The following CRMP1 variants were observed in gnomAD, a reference collection of about 807,000 sequenced individuals.
The protein encoded by CRMP1 is dihydropyrimidinase-related protein 1.
CRMP1 carries 19 observed loss-of-function variants against 68.3 expected under a neutral mutation model. The observed-to-expected ratio is 0.28, with a 90% CI of 0.19 to 0.41. The LOEUF (loss-of-function observed/expected upper bound fraction) is 0.41. Among genes scored for constraint, CRMP1 ranks in the 10% least tolerant of loss-of-function variants. The pLI, the probability that CRMP1 is intolerant of heterozygous loss-of-function variation, is 1.00. For synonymous variants in CRMP1, 439 were observed against 399.6 expected (o/e 1.10, Z -1.18); for missense variants, 791 against 967.4 (o/e 0.82, Z 2.42).
rs1719479577 is a variant in CRMP1, at chr4:5,825,795, G to GCA, written c.1804-138_1804-137dup. The GCA allele has an allele frequency of 5.1e-6, 4 of 789,824 alleles. No individual in the cohort carries two copies. The African/African-American group carries it at 5.5e-5, about 11-fold the overall frequency. 48.9% of individuals were successfully genotyped at this position (789,824 alleles called of 1,614,324 possible). ...GTGCATGCACACACACACACAACAC[G>GCA]CACACACGACAGGTGCACTTCACAC... On this transcript the variant is annotated intron_variant, in intron 12 of 13. Transcript: ENST00000324989. This position sits in a 1 kb window ranked among gnomAD's most constrained non-coding sequence, Gnocchi z 4.4.
At chr4:5,863,775 A>G (rs1393599639) in intron 2 of CRMP1, among the ~76,000 whole-genome samples, 1 of 152,222 alleles carries the variant, frequency 6.6e-6, no homozygotes, top group Non-Finnish European at 1.5e-5. Context: ...TGGCCACAGA[A>G]TTAAAGGATT....
chr4:5,866,552 G>A lies in CRMP1; in HGVS notation c.470+116C>T, dbSNP rs1258572031. The A allele has an allele frequency of 4.1e-6, 3 of 730,454 alleles. No individual in the cohort carries two copies. Among genetic ancestry groups the A allele is most frequent in the African/African-American group, 3.6e-5 (2 of 55,590 alleles). The allele number at this position is 730,454 out of a possible 1,614,324, so 45.2% of individuals were successfully genotyped here. On this transcript the variant is annotated intron_variant, in intron 2 of 13. Transcript: ENST00000324989. This position sits in a 1 kb window ranked among gnomAD's most constrained non-coding sequence, Gnocchi z 5.9. ...CAACCTCTGTGAGGTCTCTACCCCTGAAACACAGGTACACAGCCCCGTCAT... is the reference window on the plus strand; with the variant it reads ...CAACCTCTGTGAGGTCTCTACCCCTAAAACACAGGTACACAGCCCCGTCAT...
chr4:5,889,412 C>T lies in CRMP1; in HGVS notation c.381+3177G>A, dbSNP rs1022991020. Among the ~76,000 whole-genome samples, 7 of 152,156 alleles carry T rather than the reference C, an allele frequency of 4.6e-5. No homozygotes were observed. Among genetic ancestry groups the T allele is most frequent in the Non-Finnish European group, 5.9e-5 (4 of 68,018 alleles). On this transcript the variant is annotated intron_variant, in intron 1 of 13. Transcript: ENST00000324989. The surrounding 1 kb of genome is among the most constrained non-coding windows in gnomAD (Gnocchi z 4.5). The stretch of plus-strand genomic sequence containing the variant: ...GGGTCAGGAGGAGGACTAGGGTGCT[C>T]CTGCCTCCCAGCACTGTGGACACCA...
intron 2 of CRMP1, among the ~76,000 whole-genome samples, chr4:5,862,668 G>A (rs944476780): frequency 3.3e-5 from 5 of 152,214 alleles, no homozygotes; most frequent in African/African-American, 1.2e-4. Flanking sequence ...CAGAAGGGCC[G>A]CTGGCTGTAG....
chr4:5,851,375 CAA>C, intron 5 of CRMP1, 31 bp downstream of exon 5: 1 of 1,605,764 alleles, frequency 6.2e-7, no homozygotes, highest in African/African-American at 1.3e-5. Context: ...CCTGCCCAGA[CAA>C]GAGAGGAGAG....
chr4:5,828,267 A>G, intron 12 of CRMP1: 1 of 985,314 alleles, frequency 1.0e-6, no homozygotes, highest in Non-Finnish European at 1.2e-6. Context: ...ACACCCCTCT[A>G]CAGTTTGCAA....
Position 5,822,116 on chromosome 4 carries a change from C to T in CRMP1, c.1970-265G>A, listed in dbSNP as rs535707616. Among the ~76,000 whole-genome samples the T allele has an allele frequency of 3.3e-4, 50 of 152,376 alleles. No homozygotes were observed. The South Asian group carries it at 3.3e-3, about 10-fold the overall frequency. On this transcript the variant is annotated intron_variant, in intron 13 of 13. Transcript: ENST00000324989. ...AAAATCCCCAGTAAAATCCGACATTCCTGAGACAGGTGATCAAACACTTAC... is the reference window on the plus strand; with the variant it reads ...AAAATCCCCAGTAAAATCCGACATTTCTGAGACAGGTGATCAAACACTTAC...
chr4:5,843,238 TAGACAG>T lies in CRMP1; in HGVS notation c.964-83_964-78del. The T allele has an allele frequency of 6.7e-7, 1 of 1,485,058 alleles. No individual in the cohort carries two copies. Among genetic ancestry groups the T allele is most frequent in the Non-Finnish European group, 9.4e-7 (1 of 1,064,058 alleles). The allele number at this position is 1,485,058 out of a possible 1,614,324, so 92.0% of individuals were successfully genotyped here. A position where few individuals can be genotyped will look rare whatever the true frequency, so the allele number is the denominator to read the frequency against. ...GAAGTGACTCCTCCAACCCCCTGGT[TAGACAG>T]AGGGGGCAGCTGGGTCCCAAAGAGG... is the stretch of plus-strand genomic sequence containing the variant. On this transcript the variant is annotated intron_variant, in intron 6 of 13. Transcript: ENST00000324989. The surrounding 1 kb of genome is among the most constrained non-coding windows in gnomAD (Gnocchi z 4.1).
At chr4:5,863,067 C>T (rs1361740887) in intron 2 of CRMP1, among the ~76,000 whole-genome samples, 1 of 151,474 alleles carries the variant, frequency 6.6e-6, no homozygotes, top group Non-Finnish European at 1.5e-5. Flanking sequence ...CCTGCCTTGG[C>T]TTCCCAAAGT....
intron 3 of CRMP1, 118 bp from the exon 4 acceptor site, chr4:5,856,425 C>A (rs1713064623): frequency 7.7e-6 from 7 of 910,888 alleles, no homozygotes; most frequent in Admixed American, 4.7e-5. Context: ...ATCATCATCA[C>A]CATAATTATC....
At chr4:5,886,512 T>G (rs1033784970) in intron 1 of CRMP1, among the ~76,000 whole-genome samples, 1 of 152,256 alleles carries the variant, frequency 6.6e-6, no homozygotes, top group Non-Finnish European at 1.5e-5. Context: ...CAACAGGCAG[T>G]AGGCCTGGTG....
chr4:5,828,164 G>A (rs1442507099), intron 12 of CRMP1: 42 of 985,264 alleles, frequency 4.3e-5, no homozygotes, highest in South Asian at 9.4e-5. Flanking sequence ...AGCACCTCCC[G>A]TGGGTGGGCA....
Position 5,866,835 on chromosome 4 carries a change from G to T in CRMP1, c.382-79C>A. 1 of 994,592 alleles carries T rather than the reference G, an allele frequency of 1.0e-6. No individual in the cohort carries two copies. Among genetic ancestry groups the T allele is most frequent in the Non-Finnish European group, 1.5e-6 (1 of 688,176 alleles). The allele number at this position is 994,592 out of a possible 1,614,324, so 61.6% of individuals were successfully genotyped here. Reference sequence around the variant, plus strand: ...TTTTTCTTTTTAATTTTTAATATAAGAATTATCAAATATTTTCAAAAGTAA... The same window carrying T: ...TTTTTCTTTTTAATTTTTAATATAATAATTATCAAATATTTTCAAAAGTAA... On this transcript the variant is annotated intron_variant, in intron 1 of 13. Transcript: ENST00000324989. This position sits in a 1 kb window ranked among gnomAD's most constrained non-coding sequence, Gnocchi z 5.9.
chr4:5,844,267 A>C (rs1359976841), intron 6 of CRMP1, among the ~76,000 whole-genome samples: 1 of 152,130 alleles, frequency 6.6e-6, no homozygotes, highest in Non-Finnish European at 1.5e-5. Context: ...AATGTTTACA[A>C]AAAGATTTTA....
intron 11 of CRMP1, among the ~76,000 whole-genome samples, chr4:5,831,879 C>T (rs1720403930): frequency 6.6e-6 from 1 of 152,144 alleles, no homozygotes; most frequent in Non-Finnish European, 1.5e-5. Flanking sequence ...GCCCCATTTC[C>T]CTGGTCCCCT....
chr4:5,836,296 C>T (rs1234908910), intron 10 of CRMP1, among the ~76,000 whole-genome samples: 1 of 152,188 alleles, frequency 6.6e-6, no homozygotes, highest in African/African-American at 2.4e-5. Flanking sequence ...TATGTTGACG[C>T]AAGAGCCACT....
chr4:5,858,142 C>A lies in CRMP1; in HGVS notation c.656-1835G>T, dbSNP rs1343735526. Among the ~76,000 whole-genome samples the A allele has an allele frequency of 6.6e-6, 1 of 152,180 alleles. No individual in the cohort carries two copies. The highest frequency in any genetic ancestry group is 1.5e-5 in the Non-Finnish European group (1 of 68,040). On this transcript the variant is annotated intron_variant, in intron 3 of 13. Transcript: ENST00000324989. The surrounding 1 kb of genome is among the most constrained non-coding windows in gnomAD (Gnocchi z 5.5). The stretch of plus-strand genomic sequence containing the variant: ...CTTCCTTAAACTCGCTTCTCTCCAG[C>A]TTCCATGGCAACGCCACCTTCTGGC...
In CRMP1 at chr4:5,860,073, G is replaced by C. The variant is rs1263262393; in HGVS notation, c.655+953C>G. Among the ~76,000 whole-genome samples the C allele has an allele frequency of 6.6e-6, 1 of 152,110 alleles. No homozygotes were observed. The highest frequency in any genetic ancestry group is 1.5e-5 in the Non-Finnish European group (1 of 68,028). ...GAGGAGGAGTCCAGTTTCCCAGACC[G>C]AGCACTGCTGGGGAGTGGTCTCACT... On this transcript the variant is annotated intron_variant, in intron 3 of 13. Coordinates refer to ENST00000324989, the MANE Select transcript of CRMP1 (RefSeq NM_001014809.3). This position sits in a 1 kb window ranked among gnomAD's most constrained non-coding sequence, Gnocchi z 4.2.
At chr4:5,851,836 A>G (rs1712656565) in intron 4 of CRMP1, among the ~76,000 whole-genome samples, 1 of 145,618 alleles carries the variant, frequency 6.9e-6, no homozygotes, top group African/African-American at 2.6e-5. Context: ...AAAGAAGGAG[A>G]AGGGGAGGAG....
Sources: gnomAD v4.1 joint callset for allele counts (sites outside exome capture counted in the v4.1 genomes callset) on GRCh38, gnomAD v4.1.1 for gene constraint, Gnocchi (gnomAD v3.1) non-coding constraint, MANE v1.5 for transcripts, NCBI Gene and HGNC (gene_info 2026-07-23, HGNC 2026-07-21) for gene names.